Variants in CRIP3 observed in about 807,000 individuals in gnomAD.
CRIP3 encodes the protein cysteine-rich protein 3.
Under a neutral mutation model 30.3 loss-of-function variants are expected in CRIP3, and 23 were observed. That is an observed-to-expected ratio of 0.76 (90% CI 0.55 to 1.08). The LOEUF (loss-of-function observed/expected upper bound fraction) is 1.08, where lower values mean the gene tolerates loss of function less well. CRIP3 is among the 50% of genes least tolerant of loss of function. The probability of loss-of-function intolerance (pLI) is 0.00; values close to 1 mark genes in which losing one functional copy is unlikely to be tolerated. For missense variants in CRIP3, 261 were observed against 259.3 expected, an observed-to-expected ratio of 1.01 and a Z score of -0.04; for synonymous variants, 89 against 97.6, an observed-to-expected ratio of 0.91 and a Z score of 0.52.
rs374377263 is a variant in CRIP3 at position 43,307,613 on chromosome 6, T to C, written c.327A>G (p.Lys109=). ...GGGAGGAGCTGAGCCCAGCCTTACT[T>C]TTCTTGCCTTGGGGGAGGCCAGTCC... The part of the protein sequence containing the change: ...RPRTGLPQGK[K]SPPHMKTFTG... Residue 109 remains lysine, a splice_region_variant and synonymous_variant, in exon 4 of 8, where the codon AAA becomes AAG. Transcript: ENST00000372569. 6.8e-7 allele frequency: 1 copy of C among 1,463,260 alleles called. No homozygotes were observed. The highest frequency in any genetic ancestry group is 9.1e-7 in the Non-Finnish European group (1 of 1,103,162). The allele number at this position is 1,463,260 out of a possible 1,614,324, so 90.6% of individuals were successfully genotyped here. A position where few individuals can be genotyped will look rare whatever the true frequency, so the allele number is the denominator to read the frequency against.
chr6:43,308,508 C>T, intron 1 of CRIP3, 99 bp from the exon 2 acceptor site: 1 of 1,094,244 alleles, frequency 9.1e-7, no homozygotes, highest in East Asian at 2.6e-5. Context: ...GTTGGCCTGC[C>T]CTGCTTCCTG....
Position 43,307,642 on chromosome 6 carries a change from G to A in CRIP3, c.298C>T (p.Pro100Ser), listed in dbSNP as rs1306538083. 8.0e-6 allele frequency: 12 copies of A among 1,490,876 alleles called. No individual in the cohort carries two copies. The highest frequency in any genetic ancestry group is 9.8e-6 in the Non-Finnish European group (11 of 1,117,080). The allele number at this position is 1,490,876 out of a possible 1,614,324, so 92.4% of individuals were successfully genotyped here. Reference protein sequence around the residue: ...LSPSSFSPPRPRTGLPQGKKS... With the variant: ...LSPSSFSPPRSRTGLPQGKKS... The stretch of plus-strand genomic sequence containing the variant: ...TTGCCTTGGGGGAGGCCAGTCCTTG[G>A]CCTGGGAGGGCTGAAGCTGCTGGGG... Residue 100 changes from proline to serine, a missense_variant, in exon 4 of 8, where the codon CCA (proline) becomes TCA (serine). Physicochemically the swap from Pro to Ser is moderately conservative, Grantham distance 74. Transcript: ENST00000372569.
Position 43,306,441 on chromosome 6 carries a change from C to T in CRIP3, c.400+5G>A. Reference sequence around the variant, plus strand: ...CCCCTCCCCAAGTTTTCCACTGTTACTTACCAAAATAGACGGGCTCCCCAC... The same window carrying T: ...CCCCTCCCCAAGTTTTCCACTGTTATTTACCAAAATAGACGGGCTCCCCAC... On this transcript the variant is annotated splice_donor_5th_base_variant and intron_variant, in intron 5 of 7. Coordinates refer to ENST00000372569, the MANE Select transcript of CRIP3 (RefSeq NM_206922.3). The T allele has an allele frequency of 1.3e-6, 2 of 1,598,764 alleles. No individual in the cohort carries two copies. Among genetic ancestry groups the T allele is most frequent in the Non-Finnish European group, 1.7e-6 (2 of 1,168,664 alleles).
chr6:43,308,789 T>A lies in CRIP3; in HGVS notation c.4A>T (p.Ser2Cys). The A allele has an allele frequency of 6.2e-7, 1 of 1,613,928 alleles. No homozygotes were observed. The highest frequency in any genetic ancestry group is 8.5e-7 in the Non-Finnish European group (1 of 1,179,998). ...TGCTGGCAACGCGGACAGGTCCAGC[T>A]CATAGCTCCGCTCCAGGCAGCGCAC... M[S>C]WTCPRCQQPV... The change falls in exon 1 of 8, where the codon AGC becomes TGC. Residue 2 changes from serine to cysteine, a missense_variant. Coordinates refer to ENST00000372569, the MANE Select transcript of CRIP3 (RefSeq NM_206922.3).
At chr6:43,308,430 C>A (rs1778992443) in intron 1 of CRIP3, 21 bp from the exon 2 acceptor site, 1 of 1,606,550 alleles carries the variant, frequency 6.2e-7, no homozygotes, top group Non-Finnish European at 8.5e-7. Context: ...CAAAGTGGAA[C>A]CGAGCTGCGA....
At chr6:43,308,455 C>G (rs1778993286) in intron 1 of CRIP3, 46 bp from the exon 2 acceptor site, 2 of 1,528,630 alleles carry the variant, frequency 1.3e-6, no homozygotes, top group Non-Finnish European at 1.8e-6. Context: ...CCTGTCCAAG[C>G]ATAGGGCCCC....
Position 43,305,952 on chromosome 6 carries a change from G to A in CRIP3, c.554-77C>T, listed in dbSNP as rs777651019. On this transcript the variant is annotated intron_variant, in intron 7 of 7. Transcript: ENST00000372569. ...CAGGCCTAGAGGGAACTTGGTGGGG[G>A]GGCCAGGGTATGCTTAACCACAGGG... is the stretch of plus-strand genomic sequence containing the variant. The A allele has an allele frequency of 7.4e-6, 12 of 1,611,270 alleles. No homozygotes were observed. In the African/African-American group the frequency reaches 1.6e-4, roughly 22 times the overall value.
chr6:43,307,725 A>G lies in CRIP3; in HGVS notation c.215T>C (p.Val72Ala). Residue 72 changes from valine to alanine, a missense_variant, in exon 4 of 8, where the codon GTA becomes GCA. Coordinates refer to ENST00000372569, the MANE Select transcript of CRIP3 (RefSeq NM_206922.3). ...FGPRGVNIGG[V>A]GSYLYNPPTP... The stretch of plus-strand genomic sequence containing the variant: ...GGGGGGATTGTACAAGTAGGAGCCT[A>G]CACCACCAATGTTCACCCCTGAAGA... 6.3e-7 allele frequency: 1 copy of G among 1,580,412 alleles called. No homozygotes were observed. Among genetic ancestry groups the G allele is most frequent in the Non-Finnish European group, 8.6e-7 (1 of 1,159,166 alleles).
intron 4 of CRIP3, 26 bp downstream of exon 4, chr6:43,307,586 C>T (rs763615442): frequency 7.0e-7 from 1 of 1,429,112 alleles, no homozygotes; most frequent in East Asian, 2.5e-5. Flanking sequence ...GGGAGGAGGA[C>T]TGGGAGGAGC....
At position 43,307,859 on chromosome 6, in the gene CRIP3, C is replaced by G. The variant is rs768510046; in HGVS notation, c.176G>C (p.Gly59Ala). Residue 59 changes from glycine to alanine, a missense_variant, in exon 3 of 8, where the codon GGG becomes GCG. Physicochemically the swap from Gly to Ala is moderately conservative, Grantham distance 60. Coordinates refer to ENST00000372569, the MANE Select transcript of CRIP3 (RefSeq NM_206922.3). ...GRPYCHKPCY[G>A]ALFGPRGVNI... ...CTTACCCCTGGGTCCAAAGAGAGCC[C>G]CATAGCATGGCTTGTGGCAGTATGG... is the stretch of plus-strand genomic sequence containing the variant. The G allele has an allele frequency of 6.2e-7, 1 of 1,613,990 alleles. No homozygotes were observed. The highest frequency in any genetic ancestry group is 8.5e-7 in the Non-Finnish European group (1 of 1,180,016).
Position 43,308,359 on chromosome 6 carries a change from A to G in CRIP3, c.94T>C (p.Cys32Arg). The change falls in exon 2 of 8, where the codon TGT (cysteine) becomes CGT (arginine). Residue 32 changes from cysteine (C) to arginine (R), a missense_variant. Coordinates refer to ENST00000372569, the MANE Select transcript of CRIP3 (RefSeq NM_206922.3). The part of the protein sequence containing the change: ...GKNWHRFCLK[C>R]ERCHSILSPG... ...GACAGGATGCTGTGGCAGCGCTCAC[A>G]TTTCAGGCAGAAGCGGTGCCAGTTC... 6.2e-7 allele frequency: 1 copy of G among 1,612,232 alleles called. No homozygotes were observed. Among genetic ancestry groups the G allele is most frequent in the Non-Finnish European group, 8.5e-7 (1 of 1,179,464 alleles).
chr6:43,305,754 A>G lies in CRIP3; in HGVS notation c.*60T>C. 3 of 1,603,264 alleles carry G rather than the reference A, an allele frequency of 1.9e-6. No homozygotes were observed. The highest frequency in any genetic ancestry group is 2.6e-6 in the Non-Finnish European group (3 of 1,170,674). ...GGGACTGGAGATTTTTGTAGCTTCC[A>G]TTGGACCATGAGGGGCATGATGGGA... On this transcript the variant is annotated 3_prime_UTR_variant, in exon 8 of 8. Coordinates refer to ENST00000372569, the MANE Select transcript of CRIP3 (RefSeq NM_206922.3).
In CRIP3 at chr6:43,308,764, T is replaced by TG. The variant is rs772319643; in HGVS notation, c.28dup (p.Gln10ProfsTer7). On this transcript the variant is annotated frameshift_variant, in exon 1 of 8. Transcript: ENST00000372569. LOFTEE classifies it high-confidence loss of function. Reference sequence around the variant, plus strand: ...CCGGGCCTCACCGAAGAAAACAGGTTGCTGGCAACGCGGACAGGTCCAGCT... The same window carrying TG: ...CCGGGCCTCACCGAAGAAAACAGGTTGGCTGGCAACGCGGACAGGTCCAGCT... 3 of 1,613,716 alleles carry TG rather than the reference T, an allele frequency of 1.9e-6. No individual in the cohort carries two copies. The South Asian group carries it at 3.3e-5, about 18-fold the overall frequency.
chr6:43,305,993 TA>T, intron 7 of CRIP3, 73 bp downstream of exon 7: 2 of 1,606,716 alleles, frequency 1.2e-6, no homozygotes, highest in Non-Finnish European at 1.7e-6. Context: ...TGTCCACACA[TA>T]CCCACAGACC....
At position 43,308,815 on chromosome 6, in the gene CRIP3, G is replaced by T. The variant is rs748718852; in HGVS notation, c.-23C>A. ...CATAGCTCCGCTCCAGGCAGCGCAC[G>T]CGGCACACAGTAGGTACGCCGCTGC... On this transcript the variant is annotated 5_prime_UTR_variant, in exon 1 of 8. Transcript: ENST00000372569. 3.7e-6 allele frequency: 6 copies of T among 1,613,764 alleles called. No individual in the cohort carries two copies. Among genetic ancestry groups the T allele is most frequent in the Non-Finnish European group, 5.1e-6 (6 of 1,179,930 alleles).
chr6:43,306,037 C>T lies in CRIP3; in HGVS notation c.553+30G>A, dbSNP rs762413810. 9 of 1,609,212 alleles carry T rather than the reference C, an allele frequency of 5.6e-6. No homozygotes were observed. In the South Asian group the frequency reaches 8.8e-5, roughly 16 times the overall value. ...TGCCATACTTCAGGCATGTACATGC[C>T]ATCCCAGTGTCTGGGATGGGGCTGC... On this transcript the variant is annotated intron_variant, in intron 7 of 7. Coordinates refer to ENST00000372569, the MANE Select transcript of CRIP3 (RefSeq NM_206922.3).
chr6:43,308,554 C>A, intron 1 of CRIP3, 145 bp from the exon 2 acceptor site: 1 of 919,506 alleles, frequency 1.1e-6, no homozygotes, highest in Non-Finnish European at 1.7e-6. Flanking sequence ...CTCCATCCCG[C>A]TCCGGTTTCA....
chr6:43,306,288 TC>T lies in CRIP3; in HGVS notation c.425del (p.Arg142LysfsTer8). On this transcript the variant is annotated frameshift_variant, in exon 6 of 8. Transcript: ENST00000372569. LOFTEE classifies it high-confidence loss of function. ...ACCTCAGACACGGTCGGTGCCAATT[TC>T]TGCCTAATGACATCACCTTCTCAGC... ...YFAEKVMSLG[R>X]NWHRPCLRCQ... The T allele has an allele frequency of 6.2e-7, 1 of 1,614,158 alleles. No homozygotes were observed. The highest frequency in any genetic ancestry group is 1.1e-5 in the South Asian group (1 of 91,080).
intron 2 of CRIP3, 51 bp downstream of exon 2, chr6:43,308,264 G>A: frequency 6.8e-7 from 1 of 1,461,720 alleles, no homozygotes; most frequent in Non-Finnish European, 9.4e-7. Flanking sequence ...GGTGCCTGGG[G>A]GGTGGGAGGC....
Sources: gnomAD v4.1 joint callset for allele counts on GRCh38, gnomAD v4.1.1 for gene constraint, MANE v1.5 for transcripts, NCBI Gene and HGNC (gene_info 2026-07-23, HGNC 2026-07-21) for gene names.